The following GDE1 variants were observed in gnomAD, a reference collection of about 807,000 sequenced individuals.
GDE1 encodes the protein glycerophosphodiester phosphodiesterase 1, also known as RGS16-interacting membrane protein.
Under a neutral mutation model 32.2 loss-of-function variants are expected in GDE1, and 24 were observed. The observed-to-expected ratio is 0.75, with a 90% CI of 0.54 to 1.05. The LOEUF (loss-of-function observed/expected upper bound fraction) is 1.05. GDE1 is among the 50% of genes least tolerant of loss of function. GDE1 has a pLI of 0.00. For missense variants in GDE1, 380 were observed against 415.0 expected, an observed-to-expected ratio of 0.92 and a Z score of 0.73; for synonymous variants, 159 against 158.6, an observed-to-expected ratio of 1.00 and a Z score of -0.02.
intron 2 of GDE1, among the ~76,000 whole-genome samples, chr16:19,516,253 A>C (rs1193574691): frequency 1.3e-5 from 2 of 152,178 alleles, no homozygotes; most frequent in African/African-American, 2.4e-5. Context: ...GCAGCTAAAA[A>C]CAGCATGATT....
intron 1 of GDE1, among the ~76,000 whole-genome samples, chr16:19,517,847 A>C (rs1969400342): frequency 6.6e-6 from 1 of 152,088 alleles, no homozygotes; most frequent in Admixed American, 6.5e-5. Context: ...CTTCCTCATC[A>C]CAATAAAGAT....
At chr16:19,516,918 A>T in intron 2 of GDE1, 96 bp downstream of exon 2, 1 of 1,068,660 alleles carries the variant, frequency 9.4e-7, no homozygotes, top group Non-Finnish European at 1.4e-6. Context: ...ACAAAACAAG[A>T]CAACTCTCCT....
At chr16:19,509,130 C>T (rs1355421637) in intron 3 of GDE1, among the ~76,000 whole-genome samples, 1 of 152,180 alleles carries the variant, frequency 6.6e-6, no homozygotes, top group Admixed American at 6.5e-5. Flanking sequence ...GGCAAAACCC[C>T]ATCTCTACTA....
intron 3 of GDE1, among the ~76,000 whole-genome samples, chr16:19,508,544 G>T (rs1969276803): frequency 3.9e-5 from 6 of 152,128 alleles, no homozygotes; most frequent in Admixed American, 3.9e-4. Context: ...TGAGCAAAAT[G>T]CATTCCCCCA....
At chr16:19,521,567 T>C in intron 1 of GDE1, 137 bp downstream of exon 1, 1 of 933,336 alleles carries the variant, frequency 1.1e-6, no homozygotes, top group Non-Finnish European at 1.6e-6. Context: ...CTGGGAGCGA[T>C]CAAGGGCCGG....
intron 1 of GDE1, among the ~76,000 whole-genome samples, chr16:19,518,093 G>T (rs1969404812): frequency 6.6e-6 from 1 of 152,022 alleles, no homozygotes; most frequent in Non-Finnish European, 1.5e-5. Flanking sequence ...TCACCATGTT[G>T]TCCAGGCTGG....
intron 5 of GDE1, 53 bp downstream of exon 5, chr16:19,504,828 A>G (rs929958655): frequency 1.8e-6 from 2 of 1,140,068 alleles, no homozygotes; most frequent in East Asian, 2.4e-5. Flanking sequence ...TTCCTTTCAA[A>G]TAAGAGCATT....
chr16:19,513,173 C>T lies in GDE1; in HGVS notation c.438-2229G>A, dbSNP rs547963604. ...GTCTTTGATATTTTGATAGGGATTG[C>T]ACTGAATTGTAAATTATTTTGAGTA... On this transcript the variant is annotated intron_variant, in intron 2 of 5. Transcript: ENST00000353258. Among the ~76,000 whole-genome samples, 5 of 152,166 alleles carry T rather than the reference C, an allele frequency of 3.3e-5. No individual in the cohort carries two copies. In the South Asian group the frequency reaches 8.3e-4, roughly 25 times the overall value.
rs757338479 is a variant in GDE1 at position 19,521,629 on chromosome 16, C to T, written c.261+75G>A. The T allele has an allele frequency of 3.3e-6, 5 of 1,521,240 alleles. No individual in the cohort carries two copies. The African/African-American group carries it at 4.1e-5, about 12-fold the overall frequency. The allele number at this position is 1,521,240 out of a possible 1,614,324, so 94.2% of individuals were successfully genotyped here. ...AGTGGGAAGGCCGTCCTGAGAAGAT[C>T]GGGGAACCCTGGGAAGGAAAAGTAG... On this transcript the variant is annotated intron_variant, in intron 1 of 5. Coordinates refer to ENST00000353258, the MANE Select transcript of GDE1 (RefSeq NM_016641.4).
chr16:19,505,924 G>T (rs1056292623), intron 4 of GDE1, among the ~76,000 whole-genome samples: 1 of 152,210 alleles, frequency 6.6e-6, no homozygotes, highest in Non-Finnish European at 1.5e-5. Flanking sequence ...AATAGTAGAG[G>T]AGGAAAAGTT....
At chr16:19,520,726 T>TA (rs761557296) in intron 1 of GDE1, among the ~76,000 whole-genome samples, 519 of 54,110 alleles carry the variant, frequency 9.6e-3, no homozygotes, top group East Asian at 0.031. Context: ...CTCTGTAAAG[T>TA]AAAAAAAAAA....
chr16:19,503,655 A>G, intron 5 of GDE1, 38 bp from the exon 6 acceptor site: 3 of 1,582,848 alleles, frequency 1.9e-6, no homozygotes, highest in Non-Finnish European at 2.6e-6. Flanking sequence ...TAGAATAATA[A>G]GCAGCTGTCT....
chr16:19,515,879 C>T (rs1969374788), intron 2 of GDE1, among the ~76,000 whole-genome samples: 1 of 152,052 alleles, frequency 6.6e-6, no homozygotes, highest in African/African-American at 2.4e-5. Flanking sequence ...CTTTTCAGTA[C>T]TGCAAAGATG....
In GDE1 at chr16:19,520,233, C is replaced by G. The variant is rs1969432339; in HGVS notation, c.261+1471G>C. Among the ~76,000 whole-genome samples, 4 of 151,826 alleles carry G rather than the reference C, an allele frequency of 2.6e-5. No homozygotes were observed. The South Asian group carries it at 8.3e-4, about 32-fold the overall frequency. Reference sequence around the variant, plus strand: ...TACATTCTCCACATGGGCCAGAGTGCAGCTTTAAAAGTATAAATCTTGGCC... The same window carrying G: ...TACATTCTCCACATGGGCCAGAGTGGAGCTTTAAAAGTATAAATCTTGGCC... On this transcript the variant is annotated intron_variant, in intron 1 of 5. Transcript: ENST00000353258.
chr16:19,510,354 A>G (rs997112685), intron 3 of GDE1, among the ~76,000 whole-genome samples: 1 of 152,252 alleles, frequency 6.6e-6, no homozygotes, highest in African/African-American at 2.4e-5. Flanking sequence ...GGATAAATCT[A>G]TGTAAAAGGT....
At position 19,522,017 on chromosome 16, in the gene GDE1, G is replaced by A; in HGVS notation, c.-53C>T. On this transcript the variant is annotated 5_prime_UTR_variant, in exon 1 of 6. Coordinates refer to ENST00000353258, the MANE Select transcript of GDE1 (RefSeq NM_016641.4). ...AGTCCCGGACCCGCCGGGCTCCTGG[G>A]GCAGTAGAACGAGAAGCGAGGGGGA... is the stretch of plus-strand genomic sequence containing the variant. The A allele has an allele frequency of 1.3e-6, 2 of 1,496,292 alleles. No homozygotes were observed. The highest frequency in any genetic ancestry group is 2.5e-5 in the East Asian group (1 of 40,232). The allele number at this position is 1,496,292 out of a possible 1,614,324, so 92.7% of individuals were successfully genotyped here. A position where few individuals can be genotyped will look rare whatever the true frequency, so the allele number is the denominator to read the frequency against.
chr16:19,521,879 A>T lies in GDE1; in HGVS notation c.86T>A (p.Val29Asp). ...GCTGCCGGTGAGGAGGCAGGCATTG[A>T]CCGGGCTCCGCGTCACCAGCAGCAG... ...LVLLLVTRSP[V>D]NACLLTGSLF... is the part of the protein sequence containing the mutation. Residue 29 changes from valine to aspartate, a missense_variant, in exon 1 of 6, where the codon GTC becomes GAC. Val to Asp is a radical substitution (Grantham distance 152). Coordinates refer to ENST00000353258, the MANE Select transcript of GDE1 (RefSeq NM_016641.4). 4 of 1,604,226 alleles carry T rather than the reference A, an allele frequency of 2.5e-6. No homozygotes were observed. The highest frequency in any genetic ancestry group is 3.4e-6 in the Non-Finnish European group (4 of 1,176,450).
Position 19,507,943 on chromosome 16 carries a change from C to A in GDE1, c.544-164G>T, listed in dbSNP as rs568148028. ...GTAGAGTCTATTATCCACTGGGATG[C>A]ATTTTAAACTCACACCAGCAGCAAA... On this transcript the variant is annotated intron_variant, in intron 3 of 5. Transcript: ENST00000353258. Among the ~76,000 whole-genome samples, 3 of 152,288 alleles carry A rather than the reference C, an allele frequency of 2.0e-5. No homozygotes were observed. The South Asian group carries it at 6.2e-4, about 32-fold the overall frequency.
At position 19,522,074 on chromosome 16, in the gene GDE1, T is replaced by C; in HGVS notation, c.-110A>G. Reference sequence around the variant, plus strand: ...AAGGCACCGGCAGCAGCAGGAACCCTCTGAGGGGACCAGCGCCGCACAATG... The same window carrying C: ...AAGGCACCGGCAGCAGCAGGAACCCCCTGAGGGGACCAGCGCCGCACAATG... On this transcript the variant is annotated 5_prime_UTR_variant, in exon 1 of 6. Coordinates refer to ENST00000353258, the MANE Select transcript of GDE1 (RefSeq NM_016641.4). 6.0e-6 allele frequency: 7 copies of C among 1,158,376 alleles called. No homozygotes were observed. Among genetic ancestry groups the C allele is most frequent in the Non-Finnish European group, 8.3e-6 (7 of 843,846 alleles). 71.8% of individuals were successfully genotyped at this position (1,158,376 alleles called of 1,614,324 possible).
Sources: allele counts gnomAD v4.1 joint callset (sites outside exome capture counted in the v4.1 genomes callset), GRCh38; gene constraint gnomAD v4.1.1; transcripts MANE v1.5; gene names NCBI Gene and HGNC (gene_info 2026-07-23, HGNC 2026-07-21).